RAD51B: variants seen among roughly 807,000 people sequenced by gnomAD.
The protein encoded by RAD51B is DNA repair protein RAD51 homolog 2.
A neutral mutation model predicts 42.2 loss-of-function variants in RAD51B; 38 were observed. The ratio of observed to expected loss-of-function variants is 0.90; its 90% CI spans 0.70 to 1.18. The LOEUF (loss-of-function observed/expected upper bound fraction) is 1.18. RAD51B is among the 50% of genes most tolerant of loss of function. The probability of loss-of-function intolerance (pLI) is 0.00; values close to 1 mark genes in which losing one functional copy is unlikely to be tolerated. For missense variants in RAD51B, 373 were observed against 400.7 expected (o/e 0.93, Z 0.59); for synonymous variants, 154 against 145.2 (o/e 1.06, Z -0.43).
intron 7 of RAD51B, among the ~76,000 whole-genome samples, chr14:68,115,546 A>T (rs569634901): frequency 0.092 from 13,619 of 148,146 alleles, 1,819 homozygotes; most frequent in African/African-American, 0.31. Context: ...AAAGTATAAA[A>T]AAAAAAAAAA....
chr14:68,021,275 G>A (rs1164181390), intron 7 of RAD51B, among the ~76,000 whole-genome samples: 3 of 152,172 alleles, frequency 2.0e-5, no homozygotes, highest in Admixed American at 6.5e-5. Flanking sequence ...ATTGCCTCCT[G>A]AGAAATGATG....
At chr14:68,007,247 G>T (rs2075606070) in intron 7 of RAD51B, among the ~76,000 whole-genome samples, 1 of 151,996 alleles carries the variant, frequency 6.6e-6, no homozygotes, top group Non-Finnish European at 1.5e-5. Context: ...TCAGTGTATG[G>T]ATATACCACA....
At chr14:68,600,101 T>C (rs903713446), downstream of RAD51B, among the ~76,000 whole-genome samples, 3 of 152,190 alleles carry the variant, frequency 2.0e-5, no homozygotes, top group Non-Finnish European at 4.4e-5. Context: ...AGCAGGCAGG[T>C]GTGGGAAAGC....
downstream of RAD51B, among the ~76,000 whole-genome samples, chr14:68,481,983 C>T (rs1883214580): frequency 6.6e-6 from 1 of 152,168 alleles, no homozygotes; most frequent in Admixed American, 6.5e-5. Context: ...AAGACATGCA[C>T]AGGAAAGTTG....
chr14:68,421,470 C>T (rs1281198865), intron 9 of RAD51B, among the ~76,000 whole-genome samples: 1 of 152,038 alleles, frequency 6.6e-6, no homozygotes, highest in East Asian at 1.9e-4. Flanking sequence ...TCAGGCCCTT[C>T]CAAATTCTTT....
At chr14:68,653,160 A>G (rs1228175202) in intron 11 of RAD51B, among the ~76,000 whole-genome samples, 1 of 152,194 alleles carries the variant, frequency 6.6e-6, no homozygotes. Context: ...GTATATAACT[A>G]TTAAGTCAGT....
At chr14:68,169,171 G>A (rs1375759951) in intron 7 of RAD51B, among the ~76,000 whole-genome samples, 2 of 152,094 alleles carry the variant, frequency 1.3e-5, no homozygotes, top group African/African-American at 4.8e-5. Flanking sequence ...TTTAATCTGA[G>A]GCTTTCTTCA....
intron 8 of RAD51B, among the ~76,000 whole-genome samples, chr14:68,335,969 C>T (rs1260864746): frequency 6.6e-6 from 1 of 152,144 alleles, no homozygotes; most frequent in African/African-American, 2.4e-5. Flanking sequence ...TATCAGAAGC[C>T]ATACTTGCAT....
At chr14:68,070,038 G>A (rs2076716404) in intron 7 of RAD51B, among the ~76,000 whole-genome samples, 1 of 152,030 alleles carries the variant, frequency 6.6e-6, no homozygotes, top group Non-Finnish European at 1.5e-5. Flanking sequence ...AATGGTTAGT[G>A]TTATTGAGCA....
At chr14:68,211,675 A>G (rs1399985535) in intron 7 of RAD51B, among the ~76,000 whole-genome samples, 3 of 152,178 alleles carry the variant, frequency 2.0e-5, no homozygotes. Flanking sequence ...AAAGTCACCT[A>G]AGGAAAGTCA....
intron 7 of RAD51B, among the ~76,000 whole-genome samples, chr14:67,934,383 G>A (rs117299452): frequency 1.3e-5 from 2 of 152,240 alleles, no homozygotes; most frequent in East Asian, 1.9e-4. Flanking sequence ...GTAAACAGGC[G>A]TACTGTGAAG....
chr14:67,840,130 G>A (rs2041375037), intron 4 of RAD51B, among the ~76,000 whole-genome samples: 1 of 152,092 alleles, frequency 6.6e-6, no homozygotes, highest in Non-Finnish European at 1.5e-5. Context: ...ATAATTGGGT[G>A]CCCTATTTTA....
intron 7 of RAD51B, among the ~76,000 whole-genome samples, chr14:68,036,880 T>C (rs1169845254): frequency 1.3e-5 from 2 of 152,118 alleles, no homozygotes; most frequent in African/African-American, 4.8e-5. Context: ...CAAATATTTT[T>C]AAAAATAATT....
intron 7 of RAD51B, among the ~76,000 whole-genome samples, chr14:68,082,435 A>C (rs1366445548): frequency 6.6e-6 from 1 of 151,730 alleles, no homozygotes; most frequent in Non-Finnish European, 1.5e-5. Flanking sequence ...AGTTTCTTTT[A>C]TTTCCTTCCA....
At chr14:67,860,536 G>C (rs2042130746) in intron 4 of RAD51B, among the ~76,000 whole-genome samples, 1 of 151,938 alleles carries the variant, frequency 6.6e-6, no homozygotes, top group Non-Finnish European at 1.5e-5. Flanking sequence ...AGAATTTACT[G>C]CAAAAGGAAA....
chr14:68,244,733 C>G (rs1002830080), intron 7 of RAD51B, among the ~76,000 whole-genome samples: 1 of 152,150 alleles, frequency 6.6e-6, no homozygotes, highest in Admixed American at 6.5e-5. Context: ...TCTGATCCAT[C>G]CAGCAAATCC....
At chr14:68,429,943 T>A (rs914055045) in intron 9 of RAD51B, among the ~76,000 whole-genome samples, 2 of 152,220 alleles carry the variant, frequency 1.3e-5, no homozygotes, top group Non-Finnish European at 2.9e-5. Flanking sequence ...ATGGAAGGGA[T>A]CCAGTTTCAG....
At chr14:68,196,414 C>T (rs2079375033) in intron 7 of RAD51B, among the ~76,000 whole-genome samples, 1 of 151,968 alleles carries the variant, frequency 6.6e-6, no homozygotes, top group South Asian at 2.1e-4. Context: ...ATTGTATGGC[C>T]TACAAAGTCC....
intron 8 of RAD51B, among the ~76,000 whole-genome samples, chr14:68,377,977 T>A (rs1010092828): frequency 1.3e-5 from 2 of 152,228 alleles, no homozygotes; most frequent in African/African-American, 4.8e-5. Context: ...AAAAAATAAG[T>A]CTTAAGTTTG....
Sources: gnomAD v4.1 joint callset for allele counts (sites outside exome capture counted in the v4.1 genomes callset) on GRCh38, gnomAD v4.1.1 for gene constraint, MANE v1.5 for transcripts, NCBI Gene and HGNC (gene_info 2026-07-23, HGNC 2026-07-21) for gene names.